TENM1: variants seen among roughly 807,000 people sequenced by gnomAD.
TENM1 encodes teneurin-1.
In TENM1, 35 loss-of-function variants were observed where a neutral mutation model predicts 174.8. The observed-to-expected ratio is 0.20, with a 90% CI of 0.15 to 0.27. The LOEUF is 0.27. TENM1 is among the 10% of genes least tolerant of loss of function. The pLI is 1.00. For synonymous variants in TENM1, 781 were observed against 798.7 expected (o/e 0.98, Z 0.37); for missense variants, 1,633 against 2,130.1 (o/e 0.77, Z 4.59).
the TENM1 span, among the ~76,000 whole-genome samples, chrX:125,079,310 T>C: frequency 1.8e-5 from 2 of 112,165 alleles, no homozygotes; most frequent in East Asian, 5.6e-4. Flanking sequence ...TCTGCTTTAC[T>C]TGCTGAAAAG....
chrX:124,967,709 G>A (rs112380835), upstream of TENM1, among the ~76,000 whole-genome samples: 712 of 111,715 alleles, frequency 6.4e-3, 5 homozygotes, highest in African/African-American at 0.022. Context: ...CAAGCATCTA[G>A]CTAATTGCTA....
intron 12 of TENM1, 145 bp downstream of exon 15, chrX:124,565,230 C>A: frequency 2.7e-6 from 1 of 370,117 alleles, no homozygotes; most frequent in East Asian, 4.4e-5. Flanking sequence ...TACCAGTTCA[C>A]AAAACTTTAA....
chrX:124,381,283 G>T, exon 32 of TENM1: 4 of 1,196,673 alleles, frequency 3.3e-6, no homozygotes, highest in Non-Finnish European at 2.2e-6. Context: ...CACACTGAAT[G>T]CCCAGGATAG....
intron 12 of TENM1, among the ~76,000 whole-genome samples, chrX:124,565,129 C>T (rs1453878183): frequency 8.9e-6 from 1 of 111,861 alleles, no homozygotes; most frequent in African/African-American, 3.3e-5. Context: ...ACTCAAAGCA[C>T]TTGAAAGCAG....
the TENM1 span, among the ~76,000 whole-genome samples, chrX:125,189,825 T>C: frequency 2.7e-5 from 3 of 112,367 alleles, no homozygotes; most frequent in African/African-American, 6.5e-5. Flanking sequence ...TAGATATCTT[T>C]CTCAAATAGA....
At chrX:124,710,085 C>T (rs777213717) in intron 4 of TENM1, among the ~76,000 whole-genome samples, 3 of 111,375 alleles carry the variant, frequency 2.7e-5, no homozygotes, top group Admixed American at 1.9e-4. Context: ...TAACCTCCTC[C>T]GCACCATAAA....
chrX:124,951,910 G>T (rs2058494732), intron 1 of TENM1, among the ~76,000 whole-genome samples: 1 of 109,653 alleles, frequency 9.1e-6, no homozygotes, highest in Non-Finnish European at 1.9e-5. Context: ...AATTGATCAG[G>T]TATGTTCCCT....
At chrX:125,160,044 C>A in the TENM1 span, among the ~76,000 whole-genome samples, 3 of 107,303 alleles carry the variant, frequency 2.8e-5, no homozygotes, top group Non-Finnish European at 5.8e-5. Flanking sequence ...TACTAAAAAT[C>A]CAAAACTTAG....
At chrX:125,073,522 C>T in the TENM1 span, among the ~76,000 whole-genome samples, 1,256 of 111,272 alleles carry the variant, frequency 0.011, 22 homozygotes, top group African/African-American at 0.039. Context: ...AACTCTAATC[C>T]TTTATGGTTT....
At chrX:124,422,293 G>C in exon 24 of TENM1, 1 of 1,209,959 alleles carries the variant, frequency 8.3e-7, no homozygotes, top group Non-Finnish European at 1.1e-6. Context: ...TCACAGTTTG[G>C]ATCAATTTTG....
the TENM1 span, among the ~76,000 whole-genome samples, chrX:124,989,255 T>TA: frequency 9.0e-6 from 1 of 111,502 alleles, no homozygotes; most frequent in African/African-American, 3.2e-5. Context: ...TTATTAGCAA[T>TA]AAACAACTGG....
chrX:125,060,494 G>A, the TENM1 span, among the ~76,000 whole-genome samples: 4 of 110,932 alleles, frequency 3.6e-5, no homozygotes, highest in African/African-American at 1.3e-4. Context: ...CTGTGGTCAC[G>A]ACACTTGAGA....
exon 29 of TENM1, chrX:124,385,996 G>A (rs373097094): frequency 1.7e-5 from 20 of 1,207,252 alleles, no homozygotes; most frequent in African/African-American, 3.5e-5. Context: ...TGGTGACTGA[G>A]AGCAGACAAT....
chrX:124,650,982 T>G lies in TENM1; in HGVS notation c.1579+932A>C, dbSNP rs745318282. Reference sequence around the variant, plus strand: ...TCAAGTAAAAATAGAACATAATTGTTAAAAAGAGCAGATGGTATATCTATT... The same window carrying G: ...TCAAGTAAAAATAGAACATAATTGTGAAAAAGAGCAGATGGTATATCTATT... On this transcript the variant is annotated intron_variant, in intron 8 of 31. Coordinates refer to ENST00000422452, the Ensembl canonical transcript of TENM1. Among the ~76,000 whole-genome samples, 3 of 111,840 alleles carry G rather than the reference T, an allele frequency of 2.7e-5. No homozygotes were observed. In the South Asian group the frequency reaches 1.1e-3, roughly 42 times the overall value.
rs1250161003 is a variant in TENM1, at chrX:124,645,239, C to A, written c.1780G>T (p.Glu594Ter). ...AAGCATGTTGGATCAATGCATTGTT[C>A]TTCCGGAACGTCACACTCTGGCCCC... The change falls in exon 10 of 32, where the codon GAA becomes TAA. Residue 594 changes from glutamate to a stop codon, truncating the protein, a stop_gained. Coordinates refer to ENST00000422452, the Ensembl canonical transcript of TENM1. LOFTEE classifies it high-confidence loss of function. 2 of 1,211,648 alleles carry A rather than the reference C, an allele frequency of 1.7e-6. No individual in the cohort carries two copies. Among genetic ancestry groups the A allele is most frequent in the Non-Finnish European group, 2.2e-6 (2 of 895,423 alleles).
At chrX:124,954,248 G>C (rs1343169478) in intron 1 of TENM1, among the ~76,000 whole-genome samples, 3 of 111,117 alleles carry the variant, frequency 2.7e-5, no homozygotes, top group Non-Finnish European at 3.8e-5. Flanking sequence ...ACTGACTGTG[G>C]TTACCTATAC....
At chrX:124,991,467 T>C in the TENM1 span, among the ~76,000 whole-genome samples, 3 of 109,184 alleles carry the variant, frequency 2.7e-5, no homozygotes, top group African/African-American at 1.0e-4. Context: ...GATGTGTGTG[T>C]GTCGGGGAGT....
intron 14 of TENM1, 56 bp from the exon 18 acceptor site, chrX:124,547,146 G>C: frequency 2.1e-6 from 2 of 940,512 alleles, no homozygotes; most frequent in Non-Finnish European, 3.0e-6. Flanking sequence ...GAAAAATATA[G>C]TTTAAAATAT....
At chrX:125,143,997 T>C in the TENM1 span, among the ~76,000 whole-genome samples, 1 of 112,079 alleles carries the variant, frequency 8.9e-6, no homozygotes, top group Non-Finnish European at 1.9e-5. Context: ...TGGTTTTGAA[T>C]GGTTTTGTTC....
Sources: gnomAD v4.1 joint callset for allele counts (sites outside exome capture counted in the v4.1 genomes callset) on GRCh38, gnomAD v4.1.1 for gene constraint, MANE v1.5 for transcripts, NCBI Gene and HGNC (gene_info 2026-07-23, HGNC 2026-07-21) for gene names.